WDPCP: variants seen among roughly 807,000 people sequenced by gnomAD.
WDPCP encodes the protein WD repeat containing planar cell polarity effector.
Under a neutral mutation model 93.1 loss-of-function variants are expected in WDPCP, and 71 were observed. The observed-to-expected ratio is 0.76, with a 90% CI of 0.63 to 0.93. WDPCP has a LOEUF of 0.93. WDPCP is among the 40% of genes least tolerant of loss of function. The pLI, the probability that WDPCP is intolerant of heterozygous loss-of-function variation, is 0.00. For missense variants in WDPCP, 844 were observed against 887.4 expected, an observed-to-expected ratio of 0.95 and a Z score of 0.62; for synonymous variants, 315 against 315.0, an observed-to-expected ratio of 1.00 and a Z score of 0.00.
intron 1 of WDPCP, among the ~76,000 whole-genome samples, chr2:63,544,903 A>G (rs1385338863): frequency 6.6e-6 from 1 of 152,158 alleles, no homozygotes; most frequent in Non-Finnish European, 1.5e-5. Flanking sequence ...GTACCTGATT[A>G]TTACTAATCA....
At position 63,330,866 on chromosome 2, in the gene WDPCP, G is replaced by A. The variant is rs199726924; in HGVS notation, c.1749-17555C>T. ...ATGCATATGTTCACTGTTCCCCAAG[G>A]CTTTTTTTTTTTTTTTTTTTTTGAG... On this transcript the variant is annotated intron_variant, in intron 12 of 17. Coordinates refer to ENST00000272321, the MANE Select transcript of WDPCP (RefSeq NM_015910.7). Among the ~76,000 whole-genome samples the A allele has an allele frequency of 3.7e-5, 5 of 136,424 alleles. No individual in the cohort carries two copies. In the East Asian group the frequency reaches 1.0e-3, roughly 29 times the overall value. 89.5% of individuals were successfully genotyped at this position (136,424 alleles called of 152,430 possible). A position where few individuals can be genotyped will look rare whatever the true frequency, so the allele number is the denominator to read the frequency against.
chr2:63,436,898 G>A (rs931287521), intron 8 of WDPCP, among the ~76,000 whole-genome samples: 2 of 152,066 alleles, frequency 1.3e-5, no homozygotes, highest in African/African-American at 4.8e-5. Context: ...TTAGTGAAGG[G>A]TGAGATACTA....
intron 12 of WDPCP, among the ~76,000 whole-genome samples, chr2:63,362,299 G>GTGTGTGTGTGTT: frequency 7.3e-6 from 1 of 137,900 alleles, no homozygotes; most frequent in Non-Finnish European, 1.5e-5. Context: ...GTGTGTGTGT[G>GTGTGTGTGTGTT]TGTAGAAAGG....
At chr2:63,277,131 T>C (rs1245891659) in intron 13 of WDPCP, among the ~76,000 whole-genome samples, 1 of 152,154 alleles carries the variant, frequency 6.6e-6, no homozygotes, top group African/African-American at 2.4e-5. Context: ...GAAACTATGC[T>C]TCATAAATGA....
At chr2:63,445,299 T>A (rs1053008167) in intron 6 of WDPCP, among the ~76,000 whole-genome samples, 1 of 152,126 alleles carries the variant, frequency 6.6e-6, no homozygotes, top group African/African-American at 2.4e-5. Flanking sequence ...TTTTTCTGGA[T>A]AGAGAAGTGA....
intron 1 of WDPCP, among the ~76,000 whole-genome samples, chr2:63,536,488 A>G (rs1267601806): frequency 1.3e-5 from 2 of 152,226 alleles, no homozygotes; most frequent in East Asian, 1.9e-4. Flanking sequence ...AGACTGGATC[A>G]AGAAAATGTG....
At chr2:63,398,183 AG>A (rs1693886284) in intron 10 of WDPCP, among the ~76,000 whole-genome samples, 1 of 152,144 alleles carries the variant, frequency 6.6e-6, no homozygotes, top group South Asian at 2.1e-4. Flanking sequence ...AACTGACAAA[AG>A]GTGAGATGCT....
chr2:63,529,346 C>T (rs374395748), intron 1 of WDPCP, among the ~76,000 whole-genome samples: 14 of 152,156 alleles, frequency 9.2e-5, no homozygotes, highest in South Asian at 2.1e-4. Flanking sequence ...ATATTGGCTG[C>T]GGGTTTGTTG....
rs1196345340 is a variant in WDPCP at position 63,800,965 on chromosome 2, G to A, written n.308+12657C>T. Among the ~76,000 whole-genome samples, 4 of 152,144 alleles carry A rather than the reference G, an allele frequency of 2.6e-5. No individual in the cohort carries two copies. The East Asian group carries it at 7.7e-4, about 29-fold the overall frequency. On this transcript the variant is annotated intron_variant and non_coding_transcript_variant, in intron 2 of 4. Coordinates refer to the WDPCP transcript ENST00000467687. ...GCTACTCCGGAGGCTGAGGTGGGAG[G>A]ATCACTTGAGTCCGGCAGGTCAAGG... is the stretch of plus-strand genomic sequence containing the variant.
intron 2 of WDPCP, among the ~76,000 whole-genome samples, chr2:63,652,275 G>A (rs1421024864): frequency 2.6e-5 from 4 of 152,196 alleles, no homozygotes; most frequent in Non-Finnish European, 5.9e-5. Flanking sequence ...GCTTGTGTAT[G>A]GCTTCCAGCA....
Position 63,381,924 on chromosome 2 carries a change from G to C in WDPCP, c.1606C>G (p.Leu536Val), listed in dbSNP as rs955196377. 5 of 1,613,422 alleles carry C rather than the reference G, an allele frequency of 3.1e-6. No homozygotes were observed. The highest frequency in any genetic ancestry group is 3.4e-6 in the Non-Finnish European group (4 of 1,179,652). The change falls in exon 11 of 18, where the codon CTC (leucine) becomes GTC (valine). Residue 536 changes from leucine (L) to valine (V), a missense_variant. Coordinates refer to ENST00000272321, the MANE Select transcript of WDPCP (RefSeq NM_015910.7). ...GTCTGACCTTCTCTCTCTGGAGTGA[G>C]CTTCTGTCTAAGAAGATGGTTTACA... ...AIVNHLLRQK[L>V]TPEREAQLET...
At chr2:63,617,252 A>G (rs562083706) in intron 3 of WDPCP, among the ~76,000 whole-genome samples, 2 of 152,368 alleles carry the variant, frequency 1.3e-5, no homozygotes, top group African/African-American at 4.8e-5. Context: ...GAAATTGAAA[A>G]TAAGGATTTT....
chr2:63,364,334 G>C (rs1690725043), intron 12 of WDPCP, among the ~76,000 whole-genome samples: 2 of 152,122 alleles, frequency 1.3e-5, no homozygotes, highest in Admixed American at 6.6e-5. Context: ...CACACTTCTA[G>C]ATTCTTTTTT....
chr2:63,474,679 T>C lies in WDPCP; in HGVS notation c.384+9925A>G, dbSNP rs149647845. 3.8e-3 allele frequency among the ~76,000 whole-genome samples: 583 copies of C among 152,254 alleles called. 4 individuals carry two copies. Among genetic ancestry groups the C allele is most frequent in the African/African-American group, 0.013 (541 of 41,578 alleles). ...GGGCAACTGGGTGGAGGAAGAATAA[T>C]AGGCAGATTCAACAATATTGGTAAT... On this transcript the variant is annotated intron_variant, in intron 6 of 17. Transcript: ENST00000272321.
chr2:63,605,789 G>A, intron 3 of WDPCP: 1 of 685,162 alleles, frequency 1.5e-6, no homozygotes, highest in East Asian at 2.6e-5. Flanking sequence ...AAGTTACCTT[G>A]TCACCAGTAC....
At chr2:63,532,881 G>A (rs1455347238) in intron 1 of WDPCP, among the ~76,000 whole-genome samples, 1 of 152,030 alleles carries the variant, frequency 6.6e-6, no homozygotes, top group Non-Finnish European at 1.5e-5. Context: ...AATATAAATG[G>A]GCTAAATGCT....
At chr2:63,792,698 A>C (rs1334762403) in intron 2 of WDPCP, among the ~76,000 whole-genome samples, 6 of 152,208 alleles carry the variant, frequency 3.9e-5, no homozygotes, top group African/African-American at 1.4e-4. Context: ...GAATACAGAC[A>C]GAGGACAGGG....
chr2:63,222,111 C>T (rs1677889365), intron 14 of WDPCP, among the ~76,000 whole-genome samples: 1 of 152,114 alleles, frequency 6.6e-6, no homozygotes, highest in Non-Finnish European at 1.5e-5. Context: ...GACAGAGACT[C>T]ATATGCAGTT....
At chr2:63,262,236 T>C (rs1681694000) in intron 13 of WDPCP, among the ~76,000 whole-genome samples, 1 of 152,064 alleles carries the variant, frequency 6.6e-6, no homozygotes, top group Non-Finnish European at 1.5e-5. Flanking sequence ...GTATTTATTA[T>C]GGAAAGCAAA....
Sources: allele counts gnomAD v4.1 joint callset (sites outside exome capture counted in the v4.1 genomes callset), GRCh38; gene constraint gnomAD v4.1.1; transcripts MANE v1.5; gene names NCBI Gene and HGNC (gene_info 2026-07-23, HGNC 2026-07-21).